ME3: variants seen among roughly 807,000 people sequenced by gnomAD.
The protein encoded by ME3 is NADP-dependent malic enzyme, mitochondrial.
In ME3, 48 loss-of-function variants were observed where a neutral mutation model predicts 68.9. The ratio of observed to expected loss-of-function variants is 0.70; its 90% confidence interval spans 0.55 to 0.89. The LOEUF (loss-of-function observed/expected upper bound fraction) is 0.89. Among genes scored for constraint, ME3 ranks in the 40% least tolerant of loss-of-function variants. The probability of loss-of-function intolerance (pLI) is 0.00; values close to 1 mark genes in which losing one functional copy is unlikely to be tolerated. For synonymous variants in ME3, 320 were observed against 318.8 expected (o/e 1.00, Z -0.04); for missense variants, 675 against 797.4 (o/e 0.85, Z 1.85).
chr11:86,624,981 C>T (rs1387791500), intron 2 of ME3, among the ~76,000 whole-genome samples: 1 of 152,134 alleles, frequency 6.6e-6, no homozygotes, highest in Non-Finnish European at 1.5e-5. Context: ...GAGGAGTTGG[C>T]AAATGACATG....
At chr11:86,559,606 T>C in intron 3 of ME3, 84 bp downstream of exon 3, 1 of 1,454,282 alleles carries the variant, frequency 6.9e-7, no homozygotes, top group Non-Finnish European at 9.2e-7. Context: ...AGCTGGAGAG[T>C]TTCCAGAAAA....
intron 8 of ME3, among the ~76,000 whole-genome samples, chr11:86,458,093 T>G (rs590401): frequency 0.051 from 7,771 of 152,314 alleles, 364 homozygotes; most frequent in East Asian, 0.26. Context: ...CAGAACAACC[T>G]CTGCTATGAG....
chr11:86,635,162 A>C (rs1429610546), intron 2 of ME3, among the ~76,000 whole-genome samples: 1 of 152,204 alleles, frequency 6.6e-6, no homozygotes, highest in Non-Finnish European at 1.5e-5. Context: ...GTGGTAGTGC[A>C]CACCTGTAGT....
chr11:86,466,264 C>G (rs1229850419), intron 7 of ME3, among the ~76,000 whole-genome samples: 1 of 152,112 alleles, frequency 6.6e-6, no homozygotes, highest in African/African-American at 2.4e-5. Context: ...GTGTCTTTAG[C>G]CTTTCTGTAA....
chr11:86,451,139 C>T (rs946472600), intron 8 of ME3, among the ~76,000 whole-genome samples: 2 of 152,244 alleles, frequency 1.3e-5, no homozygotes, highest in East Asian at 1.9e-4. Context: ...GTGGACATGA[C>T]TTCAAGTGGT....
At chr11:86,462,867 C>A (rs1202950487) in intron 8 of ME3, among the ~76,000 whole-genome samples, 1 of 151,986 alleles carries the variant, frequency 6.6e-6, no homozygotes, top group Non-Finnish European at 1.5e-5. Flanking sequence ...GGCAGGAGAC[C>A]CTGGAGCTGG....
intron 4 of ME3, among the ~76,000 whole-genome samples, chr11:86,519,977 C>G (rs1272173241): frequency 6.6e-6 from 1 of 152,222 alleles, no homozygotes; most frequent in Non-Finnish European, 1.5e-5. Flanking sequence ...TGGTGGTTCA[C>G]TCATAATCCT....
chr11:86,504,784 G>A (rs1473151583), intron 5 of ME3, among the ~76,000 whole-genome samples: 2 of 151,990 alleles, frequency 1.3e-5, no homozygotes, highest in South Asian at 2.1e-4. Flanking sequence ...TCCGCCTCCC[G>A]GGTTCAAGCT....
intron 2 of ME3, among the ~76,000 whole-genome samples, chr11:86,662,854 G>A (rs1020881848): frequency 4.6e-5 from 7 of 152,178 alleles, no homozygotes; most frequent in African/African-American, 1.2e-4. Context: ...AAAGAAGAAT[G>A]CAGAATGTCT....
chr11:86,542,167 C>T (rs781553425), intron 4 of ME3, among the ~76,000 whole-genome samples: 31 of 152,136 alleles, frequency 2.0e-4, no homozygotes, highest in Non-Finnish European at 2.1e-4. Flanking sequence ...AAATCAAAGA[C>T]CAAAGGTAGA....
At chr11:86,464,244 C>G (rs1950367182) in intron 8 of ME3, 3 of 340,900 alleles carry the variant, frequency 8.8e-6, no homozygotes, top group South Asian at 2.3e-5. Context: ...GCTTGGCAAA[C>G]TTCATTTGTT....
intron 5 of ME3, among the ~76,000 whole-genome samples, chr11:86,508,361 A>T (rs186468151): frequency 3.9e-5 from 6 of 152,316 alleles, no homozygotes; most frequent in Admixed American, 6.5e-5. Context: ...CTCTAGAAGA[A>T]CACCCTCAGT....
rs149408378 is a variant in ME3, at chr11:86,458,060, G to A, written c.919+7031C>T. On this transcript the variant is annotated intron_variant, in intron 8 of 14. Coordinates refer to ENST00000543262, the Ensembl canonical transcript of ME3. ...GTCAGGGTCTGGCCACGGTGGCTTT[G>A]GAGGCCTGGATCCCTATTGGGACAG... Among the ~76,000 whole-genome samples, 1,172 of 152,298 alleles carry A rather than the reference G, an allele frequency of 7.7e-3. 9 individuals carry two copies. The highest frequency in any genetic ancestry group is 0.024 in the Middle Eastern group (7 of 294).
At chr11:86,615,704 CCTCTT>C (rs1942911084) in intron 2 of ME3, among the ~76,000 whole-genome samples, 1 of 152,138 alleles carries the variant, frequency 6.6e-6, no homozygotes. Flanking sequence ...GCACCTCCTT[CCTCTT>C]CTCAACTTCC....
intron 4 of ME3, among the ~76,000 whole-genome samples, chr11:86,550,319 C>T (rs536689495): frequency 1.3e-5 from 2 of 152,108 alleles, no homozygotes; most frequent in Admixed American, 6.5e-5. Flanking sequence ...GAAGAGATCA[C>T]GGAAGCCATG....
chr11:86,604,988 T>A (rs915567424), intron 2 of ME3, among the ~76,000 whole-genome samples: 1 of 152,218 alleles, frequency 6.6e-6, no homozygotes, highest in African/African-American at 2.4e-5. Context: ...GCACCACTCA[T>A]TAAGCAGTTG....
intron 4 of ME3, among the ~76,000 whole-genome samples, chr11:86,547,239 C>CAAAAAAAA (rs1169843852): frequency 1.2e-3 from 57 of 45,864 alleles, no homozygotes; most frequent in East Asian, 1.6e-3. Context: ...GACTCCATCT[C>CAAAAAAAA]AAAAAAAAAA....
At chr11:86,446,180 G>T in intron 13 of ME3, 134 bp downstream of exon 13, 1 of 1,025,204 alleles carries the variant, frequency 9.8e-7, no homozygotes, top group Non-Finnish European at 1.4e-6. Context: ...AGATGCTTGA[G>T]GTTTAAGCAC....
chr11:86,472,720 G>T (rs192148484), intron 7 of ME3, among the ~76,000 whole-genome samples: 1 of 152,286 alleles, frequency 6.6e-6, no homozygotes, highest in African/African-American at 2.4e-5. Context: ...CAAATTAGAT[G>T]AGATAATGTA....
Sources: allele counts gnomAD v4.1 joint callset (sites outside exome capture counted in the v4.1 genomes callset), GRCh38; gene constraint gnomAD v4.1.1; transcripts MANE v1.5; gene names NCBI Gene and HGNC (gene_info 2026-07-23, HGNC 2026-07-21).